SAMD5: variants seen among roughly 807,000 people sequenced by gnomAD.
The protein encoded by SAMD5 is sterile alpha motif domain containing 5.
In SAMD5, 13 loss-of-function variants were observed where a neutral mutation model predicts 11.3. That is an observed-to-expected ratio of 1.15 (90% confidence interval 0.75 to 1.83). SAMD5 has a LOEUF of 1.83. Ranked by LOEUF, SAMD5 falls within the 40% of genes most tolerant of loss-of-function variation. SAMD5 has a pLI of 0.00. For synonymous variants in SAMD5, 129 were observed against 111.3 expected, an observed-to-expected ratio of 1.16 and a Z score of -1.00; for missense variants, 255 against 239.1, an observed-to-expected ratio of 1.07 and a Z score of -0.44.
chr6:147,686,175 T>C (rs573951740), intron 1 of SAMD5, among the ~76,000 whole-genome samples: 72 of 152,322 alleles, frequency 4.7e-4, no homozygotes, highest in Non-Finnish European at 6.3e-4. Flanking sequence ...TAAGGAATTT[T>C]TGTATATTAT....
At chr6:147,621,262 G>T (rs1490896099) in intron 1 of SAMD5, among the ~76,000 whole-genome samples, 1 of 152,192 alleles carries the variant, frequency 6.6e-6, no homozygotes, top group Non-Finnish European at 1.5e-5. Context: ...ATGAAATAAT[G>T]AAACGTGAAA....
At chr6:147,653,379 G>C (rs1266690192) in intron 1 of SAMD5, among the ~76,000 whole-genome samples, 2 of 152,206 alleles carry the variant, frequency 1.3e-5, no homozygotes, top group African/African-American at 4.8e-5. Context: ...GACAGTGAGA[G>C]TATGTGTCTG....
chr6:147,877,891 A>ATAGATAGCTAGC, the SAMD5 span, among the ~76,000 whole-genome samples: 34 of 90,204 alleles, frequency 3.8e-4, no homozygotes, highest in African/African-American at 1.3e-3. Flanking sequence ...CGATAGATAG[A>ATAGATAGCTAGC]TAGCTAGATA....
intron 1 of SAMD5, among the ~76,000 whole-genome samples, chr6:147,663,483 A>G (rs949139465): frequency 1.3e-5 from 2 of 152,142 alleles, no homozygotes; most frequent in Non-Finnish European, 2.9e-5. Context: ...AAAGTTAATC[A>G]AAAAAGAAAA....
At chr6:147,917,641 G>A in the SAMD5 span, among the ~76,000 whole-genome samples, 1 of 152,098 alleles carries the variant, frequency 6.6e-6, no homozygotes, top group South Asian at 2.1e-4. Context: ...CCATGCCTAT[G>A]TCCTGAATGG....
chr6:147,671,594 A>G (rs1475144233), intron 1 of SAMD5, among the ~76,000 whole-genome samples: 1 of 152,174 alleles, frequency 6.6e-6, no homozygotes, highest in Non-Finnish European at 1.5e-5. Context: ...ATAAGAGAAC[A>G]TTGTTTCCTA....
intron 1 of SAMD5, among the ~76,000 whole-genome samples, chr6:147,649,945 G>A (rs1790459150): frequency 6.6e-6 from 1 of 152,142 alleles, no homozygotes; most frequent in Non-Finnish European, 1.5e-5. Context: ...ATTAATAAGG[G>A]TATAAGTGTA....
intron 1 of SAMD5, among the ~76,000 whole-genome samples, chr6:147,625,014 G>A (rs1027870713): frequency 6.6e-6 from 1 of 152,192 alleles, no homozygotes; most frequent in Admixed American, 6.5e-5. Flanking sequence ...CTGTAGCTCA[G>A]CGCCCAGAAC....
At chr6:147,755,227 A>G in the SAMD5 span, among the ~76,000 whole-genome samples, 12 of 151,836 alleles carry the variant, frequency 7.9e-5, no homozygotes, top group Admixed American at 4.6e-4. Flanking sequence ...GTTCTCTTCA[A>G]TTTCTTTCAC....
chr6:147,951,980 G>A, the SAMD5 span, among the ~76,000 whole-genome samples: 34 of 152,262 alleles, frequency 2.2e-4, no homozygotes, highest in Non-Finnish European at 4.1e-4. Flanking sequence ...TAACAATCGA[G>A]AAATCTTTCC....
At chr6:147,808,826 CA>C in the SAMD5 span, among the ~76,000 whole-genome samples, 122 of 152,134 alleles carry the variant, frequency 8.0e-4, 1 homozygote, top group Middle Eastern at 3.4e-3. Context: ...AGTTTAAAAG[CA>C]AAGCTGTGGA....
chr6:147,567,306 C>T lies in SAMD5; in HGVS notation c.*2850C>T. ...AACTGGGAGCATACGAGCAATTTCT[C>T]AGTTCAGAGATATTTATAGCATCTT... On this transcript the variant is annotated 3_prime_UTR_variant, in exon 2 of 2. Coordinates refer to ENST00000367474, the MANE Select transcript of SAMD5 (RefSeq NM_001030060.3). 1 of 985,334 alleles carries T rather than the reference C, an allele frequency of 1.0e-6. No homozygotes were observed. The highest frequency in any genetic ancestry group is 1.7e-5 in the African/African-American group (1 of 57,362). 61.0% of individuals were successfully genotyped at this position (985,334 alleles called of 1,614,324 possible).
At chr6:147,646,205 T>C (rs1790398997) in intron 1 of SAMD5, among the ~76,000 whole-genome samples, 1 of 152,142 alleles carries the variant, frequency 6.6e-6, no homozygotes, top group South Asian at 2.1e-4. Flanking sequence ...TACTGGTGAC[T>C]GGAAGGAAGC....
At chr6:147,649,590 G>A (rs1273417092) in intron 1 of SAMD5, among the ~76,000 whole-genome samples, 4 of 152,028 alleles carry the variant, frequency 2.6e-5, no homozygotes, top group Non-Finnish European at 5.9e-5. Flanking sequence ...TCACGAGTTC[G>A]AGACCAGCCT....
the SAMD5 span, among the ~76,000 whole-genome samples, chr6:147,832,601 T>C: frequency 1.3e-5 from 2 of 152,176 alleles, no homozygotes; most frequent in African/African-American, 4.8e-5. Context: ...TCTACAGAAG[T>C]CACACCCCGT....
Position 147,569,880 on chromosome 6 carries a change from AT to A in SAMD5, c.*5432del, listed in dbSNP as rs942059848. On this transcript the variant is annotated 3_prime_UTR_variant, in exon 2 of 2. Transcript: ENST00000367474. ...CACTTTCTTTTCCCTTTCAGTTATT[AT>A]TTTTTTTAAAGGACGTTATGAGAAG... 1.2e-5 allele frequency: 12 copies of A among 984,340 alleles called. No individual in the cohort carries two copies. Among genetic ancestry groups the A allele is most frequent in the Admixed American group, 1.2e-4 (2 of 16,214 alleles). 61.0% of individuals were successfully genotyped at this position (984,340 alleles called of 1,614,324 possible).
In SAMD5 at chr6:147,566,144, G is replaced by A; in HGVS notation, c.*1688G>A. On this transcript the variant is annotated 3_prime_UTR_variant, in exon 2 of 2. Coordinates refer to ENST00000367474, the MANE Select transcript of SAMD5 (RefSeq NM_001030060.3). ...TTAAATAGTTTAGCTATTTCTGTAG[G>A]TTAATTCAGGCACTGACTAAAATCA... The A allele has an allele frequency of 1.0e-6, 1 of 981,890 alleles. No homozygotes were observed. The highest frequency in any genetic ancestry group is 1.2e-6 in the Non-Finnish European group (1 of 826,800). The allele number at this position is 981,890 out of a possible 1,614,324, so 60.8% of individuals were successfully genotyped here.
At chr6:147,837,721 T>A in the SAMD5 span, among the ~76,000 whole-genome samples, 1 of 152,218 alleles carries the variant, frequency 6.6e-6, no homozygotes. Flanking sequence ...CAGTCTCTTG[T>A]GTTTTGATGA....
At chr6:147,747,482 G>A in the SAMD5 span, among the ~76,000 whole-genome samples, 1 of 152,250 alleles carries the variant, frequency 6.6e-6, no homozygotes, top group East Asian at 1.9e-4. Context: ...TACCATTCTT[G>A]TAGTAATTTT....
Sources: gnomAD v4.1 joint callset for allele counts (sites outside exome capture counted in the v4.1 genomes callset) on GRCh38, gnomAD v4.1.1 for gene constraint, MANE v1.5 for transcripts, NCBI Gene and HGNC (gene_info 2026-07-23, HGNC 2026-07-21) for gene names.